ALDH9A1: variants seen among roughly 807,000 people sequenced by gnomAD.
The protein encoded by ALDH9A1 is 4-trimethylaminobutyraldehyde dehydrogenase.
In ALDH9A1, 42 loss-of-function variants were observed where a neutral mutation model predicts 56.6. That is an observed-to-expected ratio of 0.74 (90% CI 0.58 to 0.96). The LOEUF is 0.96. ALDH9A1 is among the 40% of genes least tolerant of loss of function. The pLI, the probability that ALDH9A1 is intolerant of heterozygous loss-of-function variation, is 0.00. For missense variants in ALDH9A1, 661 were observed against 651.5 expected (o/e 1.01, Z -0.16); for synonymous variants, 242 against 236.0 (o/e 1.03, Z -0.23).
At position 165,680,416 on chromosome 1, in the gene ALDH9A1, T is replaced by C. The variant is rs866836592; in HGVS notation, c.789+71A>G. On this transcript the variant is annotated intron_variant, in intron 5 of 10. Transcript: ENST00000354775. ...AATCAAAAGAGAAGCCTCCAAAATA[T>C]ACTCTGGGTAGGACCGGATTTGCCA... The C allele has an allele frequency of 1.1e-4, 171 of 1,503,736 alleles. No homozygotes were observed. In the Middle Eastern group the frequency reaches 1.9e-3, roughly 16 times the overall value. 93.1% of individuals were successfully genotyped at this position (1,503,736 alleles called of 1,614,324 possible). A position where few individuals can be genotyped will look rare whatever the true frequency, so the allele number is the denominator to read the frequency against.
chr1:165,695,854 G>GT (rs1210812954), intron 1 of ALDH9A1, among the ~76,000 whole-genome samples: 7 of 145,556 alleles, frequency 4.8e-5, no homozygotes, highest in African/African-American at 7.6e-5. Context: ...TTTTTGTTTT[G>GT]TTTTTTTGTT....
chr1:165,682,489 T>C (rs1443026220), intron 3 of ALDH9A1, among the ~76,000 whole-genome samples: 2 of 152,154 alleles, frequency 1.3e-5, no homozygotes, highest in Admixed American at 1.3e-4. Flanking sequence ...ATTTTACAAC[T>C]CTCTAAGAAT....
intron 6 of ALDH9A1, chr1:165,676,699 A>G (rs1257713332): frequency 1.1e-5 from 5 of 457,302 alleles, no homozygotes; most frequent in African/African-American, 1.0e-4. Flanking sequence ...GCACCAGCCT[A>G]CTCCACCCAG....
rs1258652965 is a variant in ALDH9A1 at position 165,682,988 on chromosome 1, G to A, written c.450C>T (p.Ser150=). ...CLEYYAGLAA[S]MAGEHIQLPG... ...CACCAGGTGAGGACTTACCAGCCAT[G>A]GATGCAGCCAAGCCCGCATAATACT... The change falls in exon 3 of 11, where the codon TCC becomes TCT. Residue 150 remains serine, a synonymous_variant. Coordinates refer to ENST00000354775, the MANE Select transcript of ALDH9A1 (RefSeq NM_000696.4). 2 of 1,613,892 alleles carry A rather than the reference G, an allele frequency of 1.2e-6. No individual in the cohort carries two copies. The highest frequency in any genetic ancestry group is 2.7e-5 in the African/African-American group (2 of 75,014).
At chr1:165,667,098 AT>A (rs1437984868) in intron 9 of ALDH9A1, among the ~76,000 whole-genome samples, 4 of 151,288 alleles carry the variant, frequency 2.6e-5, no homozygotes, top group African/African-American at 7.3e-5. Flanking sequence ...AACGAGCTCA[AT>A]TTAAAACTCA....
chr1:165,665,549 C>T (rs559966418), intron 9 of ALDH9A1, among the ~76,000 whole-genome samples: 1 of 152,018 alleles, frequency 6.6e-6, no homozygotes, highest in African/African-American at 2.4e-5. Flanking sequence ...TCTTCATGAC[C>T]GTGGGTCAGG....
chr1:165,678,179 C>G (rs1649428970), intron 6 of ALDH9A1, among the ~76,000 whole-genome samples: 1 of 151,708 alleles, frequency 6.6e-6, no homozygotes, highest in South Asian at 2.1e-4. Context: ...ACTAAAAATA[C>G]AAAAATTAGC....
intron 2 of ALDH9A1, among the ~76,000 whole-genome samples, chr1:165,684,381 T>TC (rs1325738966): frequency 3.9e-5 from 6 of 152,210 alleles, no homozygotes; most frequent in African/African-American, 1.4e-4. Flanking sequence ...AATTAAACTC[T>TC]CTTTTAAACC....
intron 4 of ALDH9A1, 52 bp from the exon 5 acceptor site, chr1:165,680,735 C>T (rs1397096666): frequency 6.7e-7 from 1 of 1,503,220 alleles, no homozygotes; most frequent in African/African-American, 1.4e-5. Context: ...ACCAGTGATC[C>T]CCTGAAAACA....
At chr1:165,682,862 T>C (rs2101749013) in intron 3 of ALDH9A1, 119 bp downstream of exon 3, 1 of 1,194,422 alleles carries the variant, frequency 8.4e-7, no homozygotes, top group African/African-American at 1.5e-5. Flanking sequence ...AGGTAGAAAG[T>C]GACAAACCCA....
chr1:165,688,075 G>C (rs1649770540), intron 2 of ALDH9A1, among the ~76,000 whole-genome samples: 1 of 152,114 alleles, frequency 6.6e-6, no homozygotes, highest in Non-Finnish European at 1.5e-5. Context: ...CCAGCACTTT[G>C]GGAAGCTGAG....
chr1:165,679,358 T>C lies in ALDH9A1; in HGVS notation c.930+84A>G, dbSNP rs530242914. On this transcript the variant is annotated intron_variant, in intron 6 of 10. Coordinates refer to ENST00000354775, the MANE Select transcript of ALDH9A1 (RefSeq NM_000696.4). ...CAACTTTTCTGTAAGTCTGAAAGTATTGTAAAACAAAAAGCTTTAAAACAC... is the reference window on the plus strand; with the variant it reads ...CAACTTTTCTGTAAGTCTGAAAGTACTGTAAAACAAAAAGCTTTAAAACAC... 1.4e-5 allele frequency: 21 copies of C among 1,486,030 alleles called. No individual in the cohort carries two copies. In the East Asian group the frequency reaches 3.2e-4, roughly 23 times the overall value. The allele number at this position is 1,486,030 out of a possible 1,614,324, so 92.1% of individuals were successfully genotyped here.
intron 6 of ALDH9A1, among the ~76,000 whole-genome samples, chr1:165,674,241 C>A (rs1156715543): frequency 1.3e-5 from 2 of 148,768 alleles, no homozygotes; most frequent in Non-Finnish European, 3.0e-5. Context: ...GGGCAACCAG[C>A]AGCCCCTGGG....
At chr1:165,671,349 G>T in intron 6 of ALDH9A1, 1 of 422,268 alleles carries the variant, frequency 2.4e-6, no homozygotes, top group East Asian at 7.1e-5. Flanking sequence ...GCTGAAGTAG[G>T]GGCTGAAGTT....
rs905297135 is a variant in ALDH9A1 at position 165,663,222 on chromosome 1, A to C, written c.1463-78T>G. The C allele has an allele frequency of 2.6e-6, 3 of 1,166,500 alleles. No homozygotes were observed. In the African/African-American group the frequency reaches 4.5e-5, roughly 18 times the overall value. 72.3% of individuals were successfully genotyped at this position (1,166,500 alleles called of 1,614,324 possible). ...GTCACAATGATCTTCAAAGATGAGC[A>C]CTGCTAATCAGGGCTAGGGAAGAAT... On this transcript the variant is annotated intron_variant, in intron 10 of 10. Coordinates refer to ENST00000354775, the MANE Select transcript of ALDH9A1 (RefSeq NM_000696.4).
At chr1:165,694,485 G>T (rs1425446869) in intron 2 of ALDH9A1, among the ~76,000 whole-genome samples, 1 of 145,398 alleles carries the variant, frequency 6.9e-6, no homozygotes, top group African/African-American at 2.5e-5. Flanking sequence ...TATTTATGAT[G>T]TAAAAAAAAA....
intron 2 of ALDH9A1, 122 bp from the exon 3 acceptor site, chr1:165,683,232 A>C: frequency 9.6e-7 from 1 of 1,041,108 alleles, no homozygotes; most frequent in Non-Finnish European, 1.4e-6. Context: ...TTTAAATGAA[A>C]AGAAATGGCA....
chr1:165,695,776 G>A (rs923261088), intron 1 of ALDH9A1, among the ~76,000 whole-genome samples: 5 of 152,064 alleles, frequency 3.3e-5, no homozygotes, highest in Non-Finnish European at 5.9e-5. Flanking sequence ...AATTACAGGC[G>A]TGGGCTACCG....
chr1:165,689,628 G>A (rs946482947), intron 2 of ALDH9A1, among the ~76,000 whole-genome samples: 9 of 152,076 alleles, frequency 5.9e-5, no homozygotes, highest in African/African-American at 1.4e-4. Flanking sequence ...CGTGGTGACC[G>A]GTGCTTTGAA....
Sources: allele counts gnomAD v4.1 joint callset (sites outside exome capture counted in the v4.1 genomes callset), GRCh38; gene constraint gnomAD v4.1.1; transcripts MANE v1.5; gene names NCBI Gene and HGNC (gene_info 2026-07-23, HGNC 2026-07-21).